Variants in LEMD3 observed in about 807,000 individuals in gnomAD.
The protein encoded by LEMD3 is inner nuclear membrane protein Man1.
Under a neutral mutation model 95.2 loss-of-function variants are expected in LEMD3, and 33 were observed. That is an observed-to-expected ratio of 0.35 (90% CI 0.26 to 0.46). The LOEUF (loss-of-function observed/expected upper bound fraction) is 0.46, where lower values mean the gene tolerates loss of function less well. Among genes scored for constraint, LEMD3 ranks in the 20% least tolerant of loss-of-function variants. LEMD3 has a pLI of 1.00. For missense variants in LEMD3, 1,210 were observed against 1,192.8 expected (o/e 1.01, Z -0.21); for synonymous variants, 525 against 474.6 (o/e 1.11, Z -1.38).
chr12:65,187,686 A>AG (rs2136322656), intron 1 of LEMD3, among the ~76,000 whole-genome samples: 1 of 152,222 alleles, frequency 6.6e-6, no homozygotes, highest in Admixed American at 6.5e-5. Context: ...AATGGACTCC[A>AG]GGTAAGCAGT....
chr12:65,207,183 T>G (rs1315314761), intron 1 of LEMD3, among the ~76,000 whole-genome samples: 2 of 152,186 alleles, frequency 1.3e-5, no homozygotes, highest in African/African-American at 2.4e-5. Context: ...CATAATTTCC[T>G]TTTTATTCAA....
intron 1 of LEMD3, among the ~76,000 whole-genome samples, chr12:65,197,126 C>T (rs1381933886): frequency 6.6e-6 from 1 of 152,056 alleles, no homozygotes; most frequent in East Asian, 1.9e-4. Flanking sequence ...GTTTCATTAT[C>T]CTGTTTACAT....
At chr12:65,207,496 G>C (rs1187705853) in intron 1 of LEMD3, among the ~76,000 whole-genome samples, 1 of 152,132 alleles carries the variant, frequency 6.6e-6, no homozygotes, top group Non-Finnish European at 1.5e-5. Context: ...CATGGTGGTA[G>C]CATAGCTGCG....
intron 1 of LEMD3, among the ~76,000 whole-genome samples, chr12:65,202,406 A>G (rs1027838293): frequency 2.6e-5 from 4 of 152,042 alleles, no homozygotes; most frequent in African/African-American, 4.8e-5. Flanking sequence ...GATATGGACT[A>G]CATTAATTTA....
chr12:65,169,882 G>A lies in LEMD3; in HGVS notation c.286G>A (p.Gly96Ser). 1 of 1,454,800 alleles carries A rather than the reference G, an allele frequency of 6.9e-7. No individual in the cohort carries two copies. Among genetic ancestry groups the A allele is most frequent in the Non-Finnish European group, 9.1e-7 (1 of 1,103,642 alleles). 90.1% of individuals were successfully genotyped at this position (1,454,800 alleles called of 1,614,324 possible). ...AAGMGVRPVSGDLSYLRTPGG... is the reference protein window; with the variant it reads ...AAGMGVRPVSSDLSYLRTPGG... The stretch of plus-strand genomic sequence containing the variant: ...GGGGATGGGGGTCCGGCCGGTCTCG[G>A]GCGACCTCTCCTACTTACGGACTCC... The change falls in exon 1 of 13, where the codon GGC becomes AGC. Residue 96 changes from glycine to serine, a missense_variant. Around this residue, in one of 2 missense-constraint regions of LEMD3, gnomAD observed 749 missense variants for 622.9 expected, o/e 1.20. Transcript: ENST00000308330.
At chr12:65,202,405 T>C (rs1251517081) in intron 1 of LEMD3, among the ~76,000 whole-genome samples, 1 of 152,114 alleles carries the variant, frequency 6.6e-6, no homozygotes, top group African/African-American at 2.4e-5. Context: ...TGATATGGAC[T>C]ACATTAATTT....
At chr12:65,212,481 G>A (rs956261860) in intron 2 of LEMD3, among the ~76,000 whole-genome samples, 1 of 148,876 alleles carries the variant, frequency 6.7e-6, no homozygotes, top group Non-Finnish European at 1.5e-5. Context: ...AGCTTGCAGT[G>A]AGCCAAGATT....
At chr12:65,232,645 GT>G (rs1870664177) in intron 4 of LEMD3, among the ~76,000 whole-genome samples, 1 of 151,932 alleles carries the variant, frequency 6.6e-6, no homozygotes, top group Non-Finnish European at 1.5e-5. Context: ...TAAAAAACTC[GT>G]TGTTTTTGAT....
chr12:65,215,724 C>CT (rs148734658), intron 2 of LEMD3, among the ~76,000 whole-genome samples: 18 of 151,720 alleles, frequency 1.2e-4, no homozygotes, highest in East Asian at 1.9e-4. Flanking sequence ...TCTGTGAGAC[C>CT]TTTTTTTTAG....
intron 1 of LEMD3, among the ~76,000 whole-genome samples, chr12:65,184,025 A>C (rs1868986010): frequency 6.6e-6 from 1 of 152,134 alleles, no homozygotes; most frequent in Non-Finnish European, 1.5e-5. Flanking sequence ...TGTCTAGTAA[A>C]ACTTTTGTCT....
chr12:65,218,519 G>T, intron 3 of LEMD3, 33 bp from the exon 4 acceptor site: 1 of 1,376,260 alleles, frequency 7.3e-7, no homozygotes, highest in South Asian at 1.2e-5. Flanking sequence ...AGAGAGTACT[G>T]ATTCAAAATT....
intron 1 of LEMD3, among the ~76,000 whole-genome samples, chr12:65,191,519 A>G (rs992825254): frequency 1.3e-5 from 2 of 152,184 alleles, no homozygotes; most frequent in Non-Finnish European, 2.9e-5. Context: ...CTTACCGTGT[A>G]AATTTAACAT....
intron 6 of LEMD3, among the ~76,000 whole-genome samples, chr12:65,239,233 T>A (rs543119233): frequency 6.6e-6 from 1 of 152,264 alleles, no homozygotes; most frequent in Non-Finnish European, 1.5e-5. Flanking sequence ...GTGAGAGTTG[T>A]TTTTTCATTC....
intron 4 of LEMD3, among the ~76,000 whole-genome samples, chr12:65,219,566 G>T (rs533470522): frequency 6.6e-6 from 1 of 152,266 alleles, no homozygotes; most frequent in East Asian, 1.9e-4. Flanking sequence ...TGTTAAAATT[G>T]TGGTAAAAAA....
intron 4 of LEMD3, among the ~76,000 whole-genome samples, chr12:65,219,997 C>G (rs1870235125): frequency 6.6e-6 from 1 of 152,152 alleles, no homozygotes; most frequent in Admixed American, 6.5e-5. Flanking sequence ...GTGAATAATT[C>G]ATCAATGAAC....
intron 12 of LEMD3, 42 bp downstream of exon 12, chr12:65,245,981 A>T: frequency 6.8e-7 from 1 of 1,479,340 alleles, no homozygotes; most frequent in Non-Finnish European, 9.4e-7. Flanking sequence ...AAAGATAGTT[A>T]TAGTTTAATT....
At chr12:65,178,167 T>G (rs1357235808) in intron 1 of LEMD3, among the ~76,000 whole-genome samples, 1 of 151,542 alleles carries the variant, frequency 6.6e-6, no homozygotes, top group African/African-American at 2.4e-5. Context: ...TCTTGAAGAA[T>G]GAAAGCTCCA....
chr12:65,230,039 G>C (rs1870574233), intron 4 of LEMD3, among the ~76,000 whole-genome samples: 1 of 152,162 alleles, frequency 6.6e-6, no homozygotes, highest in Non-Finnish European at 1.5e-5. Context: ...TGTTTTCACA[G>C]CACCATTTAG....
intron 6 of LEMD3, among the ~76,000 whole-genome samples, chr12:65,239,648 G>A (rs1030694624): frequency 2.6e-5 from 4 of 151,888 alleles, no homozygotes; most frequent in African/African-American, 9.7e-5. Flanking sequence ...ATGCTTCAAA[G>A]GAAAAAAGTT....
Sources: gnomAD v4.1 joint callset for allele counts (sites outside exome capture counted in the v4.1 genomes callset) on GRCh38, gnomAD v4.1.1 for gene constraint, gnomAD v4.1.1 regional missense constraint, MANE v1.5 for transcripts, NCBI Gene and HGNC (gene_info 2026-07-23, HGNC 2026-07-21) for gene names.